The following CATSPERB variants were observed in gnomAD, a reference collection of about 807,000 sequenced individuals.
The protein encoded by CATSPERB is catsper channel auxiliary subunit beta.
Under a neutral mutation model 128.3 loss-of-function variants are expected in CATSPERB, and 93 were observed. The ratio of observed to expected loss-of-function variants is 0.72; its 90% CI spans 0.61 to 0.86. The LOEUF is 0.86. CATSPERB is among the 40% of genes least tolerant of loss of function. The probability of loss-of-function intolerance (pLI) is 0.00; values close to 1 mark genes in which losing one functional copy is unlikely to be tolerated. For missense variants in CATSPERB, 1,153 were observed against 1,329.5 expected (o/e 0.87, Z 2.06); for synonymous variants, 381 against 448.8 (o/e 0.85, Z 1.91).
At chr14:91,638,864 G>C (rs573941679) in intron 16 of CATSPERB, among the ~76,000 whole-genome samples, 1 of 152,322 alleles carries the variant, frequency 6.6e-6, no homozygotes, top group East Asian at 1.9e-4. Flanking sequence ...GAAGATATTT[G>C]CATGAAGATA....
At position 91,639,237 on chromosome 14, in the gene CATSPERB, G is replaced by C; in HGVS notation, c.1446C>G (p.Tyr482Ter). The change falls in exon 16 of 27, where the codon TAC (tyrosine) becomes TAG (stop). Residue 482 changes from tyrosine to a stop codon, truncating the protein, a stop_gained. Coordinates refer to ENST00000256343, the MANE Select transcript of CATSPERB (RefSeq NM_024764.4). LOFTEE classifies it high-confidence loss of function. ...TCTCAGTAACACTTCCGACTGCACTGTATCTTCCCATTCCTATTAGGAAAT... is the reference window on the plus strand; with the variant it reads ...TCTCAGTAACACTTCCGACTGCACTCTATCTTCCCATTCCTATTAGGAAAT... ...VYSTKAGMGR[Y>*]SAVGSVTERI... The C allele has an allele frequency of 1.2e-6, 2 of 1,613,082 alleles. No homozygotes were observed. The highest frequency in any genetic ancestry group is 1.7e-6 in the Non-Finnish European group (2 of 1,179,562).
intron 21 of CATSPERB, among the ~76,000 whole-genome samples, chr14:91,609,009 A>G (rs555579492): frequency 7.2e-4 from 109 of 152,304 alleles, no homozygotes; most frequent in African/African-American, 2.4e-3. Context: ...TTTGTATGTA[A>G]TATGTATTAT....
At chr14:91,616,733 C>CTTTTTTTTTT (rs1555360386) in intron 20 of CATSPERB, among the ~76,000 whole-genome samples, 3 of 84,484 alleles carry the variant, frequency 3.6e-5, no homozygotes, top group Admixed American at 1.5e-4. Flanking sequence ...AAGTATTCCC[C>CTTTTTTTTTT]TTTTTTTTTT....
chr14:91,693,525 G>C (rs1197415658), intron 7 of CATSPERB, 46 bp from the exon 8 acceptor site: 5 of 1,442,786 alleles, frequency 3.5e-6, no homozygotes, highest in Non-Finnish European at 4.9e-6. Flanking sequence ...ACTTTACAAG[G>C]TGAGTCACCT....
chr14:91,703,692 G>A (rs754664523), intron 7 of CATSPERB, among the ~76,000 whole-genome samples: 12 of 152,190 alleles, frequency 7.9e-5, no homozygotes, highest in Non-Finnish European at 1.3e-4. Context: ...GGTGTGGCGT[G>A]TCACAACTCC....
At chr14:91,701,638 T>C (rs562712194) in intron 7 of CATSPERB, among the ~76,000 whole-genome samples, 16 of 152,198 alleles carry the variant, frequency 1.1e-4, no homozygotes, top group African/African-American at 3.6e-4. Flanking sequence ...AAGAATATCC[T>C]AGAGGAGGAA....
intron 16 of CATSPERB, among the ~76,000 whole-genome samples, 191 bp downstream of exon 16, chr14:91,638,905 A>G (rs2139804915): frequency 6.6e-6 from 1 of 152,364 alleles, no homozygotes. Context: ...ATATAATTCC[A>G]TATGGGACTT....
intron 17 of CATSPERB, among the ~76,000 whole-genome samples, chr14:91,626,392 G>C (rs1372916221): frequency 8.9e-6 from 1 of 112,618 alleles, no homozygotes; most frequent in Non-Finnish European, 1.7e-5. Flanking sequence ...TTGAGACAGA[G>C]TCTTGCTCTG....
At chr14:91,587,373 T>C in intron 25 of CATSPERB, 97 bp from the exon 26 acceptor site, 1 of 737,456 alleles carries the variant, frequency 1.4e-6, no homozygotes, top group Non-Finnish European at 2.1e-6. Flanking sequence ...TCCCTATAGA[T>C]GCTGCATGAA....
chr14:91,701,263 A>G (rs1212618803), intron 7 of CATSPERB, among the ~76,000 whole-genome samples: 1 of 152,202 alleles, frequency 6.6e-6, no homozygotes, highest in Non-Finnish European at 1.5e-5. Flanking sequence ...CCATGTTTCA[A>G]ACAAGAGGAC....
At chr14:91,612,012 T>TTTC (rs1893837297) in intron 20 of CATSPERB, among the ~76,000 whole-genome samples, 1 of 132,924 alleles carries the variant, frequency 7.5e-6, no homozygotes, top group South Asian at 2.5e-4. Context: ...TTGTTTACTG[T>TTTC]TTTCTTTCTT....
rs1393179379 is a variant in CATSPERB at position 91,691,222 on chromosome 14, AAC to A, written c.864+299_864+300del. The stretch of plus-strand genomic sequence containing the variant: ...TACTTGTGCAGAATCCAAACTGAAC[AAC>A]CATAGCTAGCCTGGACATAGCATAG... On this transcript the variant is annotated intron_variant, in intron 10 of 26. Transcript: ENST00000256343. Among the ~76,000 whole-genome samples the A allele has an allele frequency of 2.0e-5, 3 of 152,306 alleles. No individual in the cohort carries two copies. The East Asian group carries it at 5.8e-4, about 29-fold the overall frequency.
At chr14:91,685,369 T>A (rs936458413) in intron 10 of CATSPERB, among the ~76,000 whole-genome samples, 1 of 152,126 alleles carries the variant, frequency 6.6e-6, no homozygotes, top group African/African-American at 2.4e-5. Context: ...GTCCAGAGAG[T>A]TATACAACTT....
In CATSPERB at chr14:91,673,093, T is replaced by C. The variant is rs565006708; in HGVS notation, c.979-77A>G. On this transcript the variant is annotated intron_variant, in intron 12 of 26. Transcript: ENST00000256343. ...AATTCTCTTAGTGAAACTAGCCCACTTGTTCATAGAAGTAATATTTACAGT... is the reference window on the plus strand; with the variant it reads ...AATTCTCTTAGTGAAACTAGCCCACCTGTTCATAGAAGTAATATTTACAGT... 8.1e-6 allele frequency: 10 copies of C among 1,242,086 alleles called. No homozygotes were observed. The South Asian group carries it at 1.5e-4, about 18-fold the overall frequency. 76.9% of individuals were successfully genotyped at this position (1,242,086 alleles called of 1,614,324 possible).
Position 91,645,779 on chromosome 14 carries a change from G to A in CATSPERB, c.1433-6529C>T, listed in dbSNP as rs1010148298. ...CTGCTTTGTTTACCTAAGCAAGCCT[G>A]GGCAATGGTGGGCGCCCCTCCCCCA... On this transcript the variant is annotated intron_variant, in intron 15 of 26. Transcript: ENST00000256343. 1.8e-3 allele frequency among the ~76,000 whole-genome samples: 270 copies of A among 147,166 alleles called. 3 individuals are homozygous for A. The highest frequency in any genetic ancestry group is 6.2e-3 in the African/African-American group (246 of 39,930).
rs1566732453 is a variant in CATSPERB at position 91,691,510 on chromosome 14, TA to T, written c.864+12del. 5.0e-6 allele frequency: 8 copies of T among 1,589,614 alleles called. No individual in the cohort carries two copies. Among genetic ancestry groups the T allele is most frequent in the Non-Finnish European group, 5.1e-6 (6 of 1,167,540 alleles). ...ATCTTCTAACCAGCCCTGGGAAATA[TA>T]AAGCTTCTTACCCTTTCAAAACCAC... On this transcript the variant is annotated intron_variant, in intron 10 of 26. Coordinates refer to ENST00000256343, the MANE Select transcript of CATSPERB (RefSeq NM_024764.4).
intron 22 of CATSPERB, among the ~76,000 whole-genome samples, chr14:91,596,848 C>G (rs796383211): frequency 2.0e-5 from 3 of 151,936 alleles, no homozygotes; most frequent in Admixed American, 2.0e-4. Flanking sequence ...ACTTAAGGAA[C>G]CTAATGTCTT....
intron 11 of CATSPERB, among the ~76,000 whole-genome samples, chr14:91,680,070 G>A (rs1241899010): frequency 6.6e-6 from 1 of 152,172 alleles, no homozygotes; most frequent in Non-Finnish European, 1.5e-5. Flanking sequence ...GGACAAGCCT[G>A]TATTAAAAAA....
chr14:91,709,279 G>A (rs1895790144), intron 5 of CATSPERB: 2 of 152,114 alleles, frequency 1.3e-5, no homozygotes, highest in South Asian at 4.1e-4. Flanking sequence ...CGTGCTACTG[G>A]CTAACACAGT....
Sources: gnomAD v4.1 joint callset for allele counts (sites outside exome capture counted in the v4.1 genomes callset) on GRCh38, gnomAD v4.1.1 for gene constraint, MANE v1.5 for transcripts, NCBI Gene and HGNC (gene_info 2026-07-23, HGNC 2026-07-21) for gene names.